Variants in ALOX12B observed in about 807,000 individuals in gnomAD.
The protein encoded by ALOX12B is arachidonate 12-lipoxygenase, 12R type.
ALOX12B carries 47 observed loss-of-function variants against 78.9 expected under a neutral mutation model. The observed-to-expected ratio is 0.60, with a 90% confidence interval of 0.47 to 0.76. The LOEUF is 0.76. Ranked by LOEUF, ALOX12B falls within the 30% of genes least tolerant of loss-of-function variation. The pLI, the probability that ALOX12B is intolerant of heterozygous loss-of-function variation, is 0.00. For missense variants in ALOX12B, 805 were observed against 922.6 expected, an observed-to-expected ratio of 0.87 and a Z score of 1.65; for synonymous variants, 370 against 374.5, an observed-to-expected ratio of 0.99 and a Z score of 0.14.
At chr17:8,083,711 G>A (rs750442435) in intron 2 of ALOX12B, among the ~76,000 whole-genome samples, 52 of 149,726 alleles carry the variant, frequency 3.5e-4, no homozygotes, top group Middle Eastern at 3.5e-3. Flanking sequence ...CCTGGGTGAC[G>A]AAGCGAGACT....
chr17:8,080,028 C>G lies in ALOX12B; in HGVS notation c.755-87G>C. 1 of 1,551,486 alleles carries G rather than the reference C, an allele frequency of 6.4e-7. No homozygotes were observed. The highest frequency in any genetic ancestry group is 8.8e-7 in the Non-Finnish European group (1 of 1,140,664). On this transcript the variant is annotated intron_variant, in intron 6 of 14. Coordinates refer to ENST00000647874, the MANE Select transcript of ALOX12B (RefSeq NM_001139.3). This position sits in a 1 kb window ranked among gnomAD's most constrained non-coding sequence, Gnocchi z 4.8. ...TGGGACAGAAGAAGACTATGGGCAC[C>G]GAGAGGAGTCGGGGAGGAAAACGAG...
Position 8,075,716 on chromosome 17 carries a change from C to T in ALOX12B, c.1533G>A (p.Lys511=), listed in dbSNP as rs1308819055. 6.2e-7 allele frequency: 1 copy of T among 1,614,214 alleles called. No homozygotes were observed. The highest frequency in any genetic ancestry group is 1.7e-5 in the Admixed American group (1 of 60,028). The change falls in exon 12 of 15, where the codon AAG becomes AAA. Residue 511 remains lysine (K), a splice_region_variant and synonymous_variant. Coordinates refer to ENST00000647874, the MANE Select transcript of ALOX12B (RefSeq NM_001139.3). ...AATAGGTGATGATCTCCGTCACATA[C>T]CTGACCAGGGGACAGGGCCTCAGTT... ...DSLAVWNALE[K]YVTEIITYYY... is the part of the protein sequence containing the mutation.
rs2304908 is a variant in ALOX12B at position 8,080,651 on chromosome 17, G to C, written c.650+7C>G. The C allele has an allele frequency of 0.35, 565,754 of 1,613,600 alleles. 103,332 individuals are homozygous for C. The highest frequency in any genetic ancestry group is 0.6 in the African/African-American group (44,631 of 74,892). ...CCCTCGTTCTCCCGTCACTCACACG[G>C]ACTCACATGGGCCCCAGGCGGACGA... On this transcript the variant is annotated splice_region_variant and intron_variant, in intron 5 of 14. Transcript: ENST00000647874. This position sits in a 1 kb window ranked among gnomAD's most constrained non-coding sequence, Gnocchi z 4.8.
intron 11 of ALOX12B, 52 bp downstream of exon 11, chr17:8,076,123 A>C: frequency 6.2e-7 from 1 of 1,610,850 alleles, no homozygotes; most frequent in Non-Finnish European, 8.5e-7. Flanking sequence ...CACCCTCTCC[A>C]ACATCCCAGG....
rs759258890 is a variant in ALOX12B, at chr17:8,080,085, G to A, written c.755-144C>T. 38 of 1,477,104 alleles carry A rather than the reference G, an allele frequency of 2.6e-5. No individual in the cohort carries two copies. The highest frequency in any genetic ancestry group is 3.8e-6 in the Non-Finnish European group (4 of 1,064,280). 91.5% of individuals were successfully genotyped at this position (1,477,104 alleles called of 1,614,324 possible). On this transcript the variant is annotated intron_variant, in intron 6 of 14. Coordinates refer to ENST00000647874, the MANE Select transcript of ALOX12B (RefSeq NM_001139.3). The surrounding 1 kb of genome is among the most constrained non-coding windows in gnomAD (Gnocchi z 4.8). ...AGCCTGGCGCTGAGCGGCCGGAGGA[G>A]CCCGGTGCGACATTTTCCAAGAAGC... is the stretch of plus-strand genomic sequence containing the variant.
Position 8,079,270 on chromosome 17 carries a change from C to G in ALOX12B, c.1071+126G>C. On this transcript the variant is annotated intron_variant, in intron 8 of 14. Coordinates refer to ENST00000647874, the MANE Select transcript of ALOX12B (RefSeq NM_001139.3). This position sits in a 1 kb window ranked among gnomAD's most constrained non-coding sequence, Gnocchi z 6.4. ...ATCCCGGGGAGGTCCTGGAACCAATCTCTCAAGGATAACGAGAGACGGCTG... is the reference window on the plus strand; with the variant it reads ...ATCCCGGGGAGGTCCTGGAACCAATGTCTCAAGGATAACGAGAGACGGCTG... 1 of 1,385,218 alleles carries G rather than the reference C, an allele frequency of 7.2e-7. No individual in the cohort carries two copies. Among genetic ancestry groups the G allele is most frequent in the Non-Finnish European group, 9.6e-7 (1 of 1,037,404 alleles). The allele number at this position is 1,385,218 out of a possible 1,614,324, so 85.8% of individuals were successfully genotyped here.
Position 8,075,839 on chromosome 17 carries a change from G to A in ALOX12B, c.1533-123C>T, listed in dbSNP as rs1977068714. 3.3e-6 allele frequency: 5 copies of A among 1,508,220 alleles called. No individual in the cohort carries two copies. The Admixed American group carries it at 5.0e-5, about 15-fold the overall frequency. 93.4% of individuals were successfully genotyped at this position (1,508,220 alleles called of 1,614,324 possible). On this transcript the variant is annotated intron_variant, in intron 11 of 14. Transcript: ENST00000647874. ...CCCCAGAGCTGCCCCAGGCCTGTGG[G>A]AGGGCAAGTCCTGTGGGGCAGAAGT... is the stretch of plus-strand genomic sequence containing the variant.
Position 8,073,057 on chromosome 17 carries a change from C to T in ALOX12B, c.1926+91G>A, listed in dbSNP as rs1403944962. On this transcript the variant is annotated intron_variant, in intron 14 of 14. Transcript: ENST00000647874. ...TTTGGTTTCAGTGGCCTCTCACTCC[C>T]TGCTCCCCTCTTGACGCCGCTAGTT... The T allele has an allele frequency of 2.5e-6, 4 of 1,605,790 alleles. No individual in the cohort carries two copies. In the Admixed American group the frequency reaches 6.7e-5, roughly 27 times the overall value.
At position 8,076,207 on chromosome 17, in the gene ALOX12B, A is replaced by T. The variant is rs377021609; in HGVS notation, c.1500T>A (p.Asp500Glu). The change falls in exon 11 of 15, where the codon GAT becomes GAA. Residue 500 changes from aspartate to glutamate, a missense_variant. Transcript: ENST00000647874. Reference sequence around the variant, plus strand: ...GTGCATTCCACACCGCCAAGCTGTCATCGCGGTAGTAATATCCAGGCAGGT... The same window carrying T: ...GTGCATTCCACACCGCCAAGCTGTCTTCGCGGTAGTAATATCCAGGCAGGT... ...VQDLPGYYYR[D>E]DSLAVWNALE... 3 of 1,614,024 alleles carry T rather than the reference A, an allele frequency of 1.9e-6. No individual in the cohort carries two copies. The African/African-American group carries it at 4.0e-5, about 22-fold the overall frequency.
chr17:8,073,364 G>A (rs759341017), intron 13 of ALOX12B, 46 bp from the exon 14 acceptor site: 2 of 1,612,272 alleles, frequency 1.2e-6, no homozygotes, highest in Non-Finnish European at 1.7e-6. Flanking sequence ...GAGTACCTCA[G>A]GAGTTTCCTT....
In ALOX12B at chr17:8,079,212, A is replaced by G. The variant is rs904198951; in HGVS notation, c.1071+184T>C. Among the ~76,000 whole-genome samples the G allele has an allele frequency of 6.6e-6, 1 of 152,202 alleles. No individual in the cohort carries two copies. Among genetic ancestry groups the G allele is most frequent in the African/African-American group, 2.4e-5 (1 of 41,462 alleles). ...GCGTCCGGCAATACTGGGACATTTT[A>G]TATAAGAAACTTGAGCATCTGCAGA... is the stretch of plus-strand genomic sequence containing the variant. On this transcript the variant is annotated intron_variant, in intron 8 of 14. Coordinates refer to ENST00000647874, the MANE Select transcript of ALOX12B (RefSeq NM_001139.3). This position sits in a 1 kb window ranked among gnomAD's most constrained non-coding sequence, Gnocchi z 6.4.
chr17:8,083,197 G>GTATCTATATATATATAAAA (rs1363416551), intron 2 of ALOX12B, among the ~76,000 whole-genome samples: 62 of 152,042 alleles, frequency 4.1e-4, no homozygotes, highest in African/African-American at 1.5e-3. Context: ...AGATATATAT[G>GTATCTATATATATATAAAA]TATACATATA....
rs149039053 is a variant in ALOX12B at position 8,080,885 on chromosome 17, C to T, written c.526G>A (p.Glu176Lys). 447 of 1,613,976 alleles carry T rather than the reference C, an allele frequency of 2.8e-4. No homozygotes were observed. Among genetic ancestry groups the T allele is most frequent in the Middle Eastern group, 8.2e-4 (5 of 6,062 alleles). The change falls in exon 4 of 15, where the codon GAG becomes AAG. Residue 176 changes from glutamate (E) to lysine (K), a missense_variant and splice_region_variant. Transcript: ENST00000647874. This position sits in a 1 kb window ranked among gnomAD's most constrained non-coding sequence, Gnocchi z 4.8. The stretch of plus-strand genomic sequence containing the variant: ...CCCAGCACAGCTTCGGGTCCTTACT[C>T]AGGCCGGTTGGGGTTGCGATGCCTC... ...VRRHRNPNRP[E>K]WNGYIPGFPI...
chr17:8,077,675 G>A (rs1056077724), intron 8 of ALOX12B, among the ~76,000 whole-genome samples: 14 of 152,164 alleles, frequency 9.2e-5, no homozygotes, highest in African/African-American at 2.9e-4. Context: ...ATGACGCTTG[G>A]GGGGACCTCT....
In ALOX12B at chr17:8,077,224, G is replaced by A. The variant is rs745767135; in HGVS notation, c.1072-31C>T. The A allele has an allele frequency of 2.5e-6, 4 of 1,584,382 alleles. No homozygotes were observed. In the South Asian group the frequency reaches 4.6e-5, roughly 18 times the overall value. On this transcript the variant is annotated intron_variant, in intron 8 of 14. Coordinates refer to ENST00000647874, the MANE Select transcript of ALOX12B (RefSeq NM_001139.3). ...TGTGGTGAAAGAGAAAGGGTTGGGT[G>A]AGGGCAGAGACCCACACACATAAAG...
intron 1 of ALOX12B, among the ~76,000 whole-genome samples, chr17:8,087,067 G>A (rs1408506796): frequency 6.6e-6 from 1 of 152,146 alleles, no homozygotes; most frequent in East Asian, 1.9e-4. Flanking sequence ...CGAGGGGCTG[G>A]AAGCCAGCTC....
rs1793194763 is a variant in ALOX12B at position 8,075,658 on chromosome 17, G to A, written c.1591C>T (p.Pro531Ser). 2 of 1,614,118 alleles carry A rather than the reference G, an allele frequency of 1.2e-6. No homozygotes were observed. Among genetic ancestry groups the A allele is most frequent in the Non-Finnish European group, 1.7e-6 (2 of 1,180,026 alleles). Reference sequence around the variant, plus strand: ...TCCTGCACCCAAGACTGCAATTCCGGATCACCCTCCACGGCTGCGTCACTC... The same window carrying A: ...TCCTGCACCCAAGACTGCAATTCCGAATCACCCTCCACGGCTGCGTCACTC... ...YPSDAAVEGDPELQSWVQEIF... is the reference protein window; with the variant it reads ...YPSDAAVEGDSELQSWVQEIF... The change falls in exon 12 of 15, where the codon CCG becomes TCG. Residue 531 changes from proline to serine, a missense_variant. Transcript: ENST00000647874.
rs116492351 is a variant in ALOX12B at position 8,087,600 on chromosome 17, C to A, written c.-158G>T. 9.8e-3 allele frequency: 12,136 copies of A among 1,238,008 alleles called. 425 individuals carry two copies. The African/African-American group carries it at 0.1, about 11-fold the overall frequency. The allele number at this position is 1,238,008 out of a possible 1,614,324, so 76.7% of individuals were successfully genotyped here. A position where few individuals can be genotyped will look rare whatever the true frequency, so the allele number is the denominator to read the frequency against. ...GAGGTGGCGAGGTGGGGTGACTAGG[C>A]CTGCCAGCCAAATTCTGGAAAAGCT... is the stretch of plus-strand genomic sequence containing the variant. On this transcript the variant is annotated 5_prime_UTR_variant, in exon 1 of 15. Coordinates refer to ENST00000647874, the MANE Select transcript of ALOX12B (RefSeq NM_001139.3).
At chr17:8,075,537 C>A in intron 12 of ALOX12B, 58 bp downstream of exon 12, 1 of 1,612,104 alleles carries the variant, frequency 6.2e-7, no homozygotes, top group Non-Finnish European at 8.5e-7. Flanking sequence ...GCAGACCTGC[C>A]TGGGGGCTGC....
Sources: gnomAD v4.1 joint callset for allele counts (sites outside exome capture counted in the v4.1 genomes callset) on GRCh38, gnomAD v4.1.1 for gene constraint, Gnocchi (gnomAD v3.1) non-coding constraint, MANE v1.5 for transcripts, NCBI Gene and HGNC (gene_info 2026-07-23, HGNC 2026-07-21) for gene names.